The following DOCK2 variants were observed in gnomAD, a reference collection of about 807,000 sequenced individuals.
DOCK2 encodes the protein dedicator of cytokinesis protein 2.
In DOCK2, 87 loss-of-function variants were observed where a neutral mutation model predicts 248.9. The observed-to-expected ratio is 0.35, with a 90% CI of 0.29 to 0.42. DOCK2 has a LOEUF of 0.42. Among genes scored for constraint, DOCK2 ranks in the 10% least tolerant of loss-of-function variants. DOCK2 has a pLI of 1.00. For synonymous variants in DOCK2, 805 were observed against 821.6 expected (o/e 0.98, Z 0.35); for missense variants, 1,747 against 2,300.2 (o/e 0.76, Z 4.92).
intron 27 of DOCK2, among the ~76,000 whole-genome samples, chr5:169,949,355 G>T (rs1175107770): frequency 2.0e-5 from 3 of 152,156 alleles, no homozygotes; most frequent in Non-Finnish European, 2.9e-5. Context: ...CCTCATGGAG[G>T]CCCATGAGAG....
chr5:169,660,727 A>C (rs926202139), intron 2 of DOCK2, among the ~76,000 whole-genome samples: 1 of 152,160 alleles, frequency 6.6e-6, no homozygotes. Flanking sequence ...TTAACATGGA[A>C]TCTTTTTAAA....
intron 27 of DOCK2, among the ~76,000 whole-genome samples, chr5:169,962,697 T>TA (rs1221395698): frequency 1.3e-5 from 2 of 152,070 alleles, no homozygotes; most frequent in Admixed American, 6.5e-5. Context: ...AATACGGCAC[T>TA]AAAAAGTAGG....
At chr5:169,640,918 A>G (rs1444070917) in intron 1 of DOCK2, among the ~76,000 whole-genome samples, 1 of 152,116 alleles carries the variant, frequency 6.6e-6, no homozygotes, top group African/African-American at 2.4e-5. Context: ...CTCTCTAGCT[A>G]TGGTTTTACA....
intron 22 of DOCK2, among the ~76,000 whole-genome samples, chr5:169,721,006 G>A (rs113106105): frequency 0.082 from 12,476 of 152,278 alleles, 584 homozygotes; most frequent in South Asian, 0.2. Context: ...ACAGGCGTGA[G>A]CCACTGCGCC....
At chr5:169,840,722 T>C in intron 26 of DOCK2, 35 bp from the exon 27 acceptor site, 2 of 1,601,714 alleles carry the variant, frequency 1.2e-6, no homozygotes, top group Non-Finnish European at 1.7e-6. Context: ...TGCAGTGTCC[T>C]GGTTGTCACA....
chr5:169,867,154 T>G lies in DOCK2; in HGVS notation c.2799+26302T>G, dbSNP rs1327466444. On this transcript the variant is annotated intron_variant, in intron 27 of 51. Transcript: ENST00000520908. ...TGCAAAGGATACAGATGAAGAGATG[T>G]GTGGGGGCTTCAGCCCCTGTGTAGC... Among the ~76,000 whole-genome samples the G allele has an allele frequency of 7.9e-5, 12 of 152,220 alleles. 1 individual carries two copies. Among genetic ancestry groups the G allele is most frequent in the Admixed American group, 7.9e-4 (12 of 15,284 alleles).
intron 27 of DOCK2, among the ~76,000 whole-genome samples, chr5:169,974,931 C>T (rs541102268): frequency 6.6e-6 from 1 of 152,088 alleles, no homozygotes; most frequent in East Asian, 1.9e-4. Flanking sequence ...TGAATGATAA[C>T]CCCTCTCCTG....
At chr5:170,017,151 C>T (rs929128613) in intron 32 of DOCK2, among the ~76,000 whole-genome samples, 3 of 152,072 alleles carry the variant, frequency 2.0e-5, no homozygotes, top group African/African-American at 7.2e-5. Context: ...AAAGAAAATT[C>T]ATTTTCTTAC....
chr5:169,673,138 AG>A (rs1353864138), intron 5 of DOCK2, among the ~76,000 whole-genome samples: 6 of 152,004 alleles, frequency 3.9e-5, no homozygotes, highest in African/African-American at 1.2e-4. Context: ...GGGCAGGTGG[AG>A]GGGAGTGGGG....
intron 27 of DOCK2, among the ~76,000 whole-genome samples, chr5:169,859,875 T>C (rs375700904): frequency 4.6e-5 from 7 of 151,282 alleles, no homozygotes; most frequent in African/African-American, 1.7e-4. Context: ...TGCTGTGCTG[T>C]ATTTTATGTG....
chr5:169,772,735 T>C (rs1765159558), intron 25 of DOCK2, among the ~76,000 whole-genome samples: 1 of 152,196 alleles, frequency 6.6e-6, no homozygotes, highest in Non-Finnish European at 1.5e-5. Flanking sequence ...TTAAAAACCC[T>C]CCTCTTCCCA....
chr5:169,676,650 G>A (rs549987402), intron 6 of DOCK2, among the ~76,000 whole-genome samples: 4 of 152,084 alleles, frequency 2.6e-5, no homozygotes, highest in East Asian at 3.9e-4. Flanking sequence ...GAGGCCCAGC[G>A]TCTGGGCCAA....
At chr5:169,907,520 C>T (rs1774351143) in intron 27 of DOCK2, among the ~76,000 whole-genome samples, 1 of 152,216 alleles carries the variant, frequency 6.6e-6, no homozygotes, top group Non-Finnish European at 1.5e-5. Context: ...GTAACCACCA[C>T]TTAGCGAAGA....
intron 5 of DOCK2, among the ~76,000 whole-genome samples, chr5:169,673,844 A>G (rs1759179467): frequency 6.6e-6 from 1 of 152,166 alleles, no homozygotes; most frequent in Non-Finnish European, 1.5e-5. Context: ...TTGACCTTGT[A>G]TCTTTGTACC....
chr5:170,011,751 C>CA (rs764952061), intron 32 of DOCK2, among the ~76,000 whole-genome samples: 3 of 152,068 alleles, frequency 2.0e-5, no homozygotes, highest in Non-Finnish European at 4.4e-5. Context: ...CAAAACAAGA[C>CA]AAAAAAGAGG....
chr5:170,078,918 G>T, intron 48 of DOCK2, 57 bp from the exon 49 acceptor site: 1 of 1,596,090 alleles, frequency 6.3e-7, no homozygotes. Flanking sequence ...GTCCTTGCAA[G>T]GCAGTTCTAC....
intron 26 of DOCK2, among the ~76,000 whole-genome samples, chr5:169,830,193 C>T (rs976464803): frequency 2.6e-5 from 4 of 152,200 alleles, no homozygotes; most frequent in African/African-American, 4.8e-5. Context: ...CTTTAGATTT[C>T]CTCATTTGTA....
intron 27 of DOCK2, among the ~76,000 whole-genome samples, chr5:169,966,902 T>C (rs1777320788): frequency 6.6e-6 from 1 of 152,228 alleles, no homozygotes; most frequent in East Asian, 1.9e-4. Context: ...AGAGAGCCCT[T>C]CACCAATCCA....
intron 44 of DOCK2, among the ~76,000 whole-genome samples, chr5:170,061,149 A>C (rs1757314137): frequency 6.6e-6 from 1 of 152,204 alleles, no homozygotes; most frequent in Non-Finnish European, 1.5e-5. Context: ...TTTTTTCCAA[A>C]GCACCCTCCC....
Sources: allele counts gnomAD v4.1 joint callset (sites outside exome capture counted in the v4.1 genomes callset), GRCh38; gene constraint gnomAD v4.1.1; transcripts MANE v1.5; gene names NCBI Gene and HGNC (gene_info 2026-07-23, HGNC 2026-07-21).